The following CTDSPL variants were observed in gnomAD, a reference collection of about 807,000 sequenced individuals.
The protein encoded by CTDSPL is CTD small phosphatase-like protein.
In CTDSPL, 8 loss-of-function variants were observed where a neutral mutation model predicts 30.5. The ratio of observed to expected loss-of-function variants is 0.26; its 90% CI spans 0.15 to 0.47. CTDSPL has a LOEUF of 0.47. Ranked by LOEUF, CTDSPL falls within the 20% of genes least tolerant of loss-of-function variation. The pLI is 0.99. For missense variants in CTDSPL, 248 were observed against 366.1 expected, an observed-to-expected ratio of 0.68 and a Z score of 2.63; for synonymous variants, 110 against 137.9, an observed-to-expected ratio of 0.80 and a Z score of 1.42.
At chr3:37,907,068 C>A (rs1559630174) in intron 1 of CTDSPL, among the ~76,000 whole-genome samples, 1 of 152,214 alleles carries the variant, frequency 6.6e-6, no homozygotes, top group Non-Finnish European at 1.5e-5. Context: ...CTGCCAAAAA[C>A]CCCCACTTCC....
At chr3:37,952,930 T>A (rs1400212171) in intron 2 of CTDSPL, among the ~76,000 whole-genome samples, 1 of 152,260 alleles carries the variant, frequency 6.6e-6, no homozygotes. Flanking sequence ...GAGCCTTTTG[T>A]TCTGTGGCAC....
intron 1 of CTDSPL, among the ~76,000 whole-genome samples, chr3:37,920,431 T>C (rs1265557678): frequency 6.6e-6 from 1 of 152,160 alleles, no homozygotes; most frequent in Non-Finnish European, 1.5e-5. Context: ...GAGGAAACAG[T>C]TCTCCTCCTT....
intron 2 of CTDSPL, among the ~76,000 whole-genome samples, chr3:37,953,252 A>T (rs148207104): frequency 5.0e-4 from 76 of 152,318 alleles, no homozygotes; most frequent in African/African-American, 1.7e-3. Flanking sequence ...TGGACAGTAT[A>T]ACCATCTTAT....
At chr3:37,897,717 G>A (rs750123127) in intron 1 of CTDSPL, among the ~76,000 whole-genome samples, 3 of 152,120 alleles carry the variant, frequency 2.0e-5, no homozygotes, top group Non-Finnish European at 4.4e-5. Context: ...CTGGAAAATT[G>A]TTATTTTCAG....
At chr3:37,875,467 CAA>C (rs748798781) in intron 1 of CTDSPL, among the ~76,000 whole-genome samples, 7 of 152,214 alleles carry the variant, frequency 4.6e-5, no homozygotes, top group Non-Finnish European at 1.0e-4. Flanking sequence ...TCTTACCTTT[CAA>C]AATCAGTATT....
chr3:37,944,871 C>T (rs1371032147), intron 1 of CTDSPL: 5 of 150,498 alleles, frequency 3.3e-5, no homozygotes, highest in African/African-American at 1.2e-4. Context: ...AATTTACTGA[C>T]TCCGTTAGCA....
intron 1 of CTDSPL, among the ~76,000 whole-genome samples, chr3:37,868,992 G>C (rs551802393): frequency 3.5e-4 from 54 of 152,178 alleles, no homozygotes; most frequent in African/African-American, 1.3e-3. Flanking sequence ...ATCAATTTGA[G>C]GAGAACTGAC....
At position 37,981,871 on chromosome 3, in the gene CTDSPL, G is replaced by A. The variant is rs747734370; in HGVS notation, c.*1004G>A. Reference sequence around the variant, plus strand: ...TGGGAATTTTCCTTGCTGCTACCGCGCTGCCACCAAATGGAATTGACCAGC... The same window carrying A: ...TGGGAATTTTCCTTGCTGCTACCGCACTGCCACCAAATGGAATTGACCAGC... On this transcript the variant is annotated 3_prime_UTR_variant, in exon 8 of 8. Transcript: ENST00000273179. The A allele has an allele frequency of 3.7e-5, 17 of 457,094 alleles. No homozygotes were observed. The highest frequency in any genetic ancestry group is 1.2e-4 in the Admixed American group (5 of 42,574). The allele number at this position is 457,094 out of a possible 1,614,324, so 28.3% of individuals were successfully genotyped here.
chr3:37,936,932 T>G (rs1269200592), intron 1 of CTDSPL, among the ~76,000 whole-genome samples: 1 of 151,126 alleles, frequency 6.6e-6, no homozygotes, highest in Non-Finnish European at 1.5e-5. Flanking sequence ...TCTGCTCTTG[T>G]GATGAGAAAG....
At chr3:37,871,107 A>G (rs1047898728) in intron 1 of CTDSPL, among the ~76,000 whole-genome samples, 1 of 152,072 alleles carries the variant, frequency 6.6e-6, no homozygotes, top group African/African-American at 2.4e-5. Flanking sequence ...TGCTCCACTT[A>G]TTCATCTCTC....
At chr3:37,961,528 A>G (rs1363669978) in intron 3 of CTDSPL, among the ~76,000 whole-genome samples, 2 of 152,230 alleles carry the variant, frequency 1.3e-5, no homozygotes, top group Non-Finnish European at 2.9e-5. Flanking sequence ...TAACCGAGCC[A>G]TAAAAATGCT....
At chr3:37,969,769 C>A (rs1451698223) in intron 5 of CTDSPL, among the ~76,000 whole-genome samples, 1 of 152,214 alleles carries the variant, frequency 6.6e-6, no homozygotes, top group Non-Finnish European at 1.5e-5. Context: ...ACATCCTGTT[C>A]CTCCAGCCCC....
intron 1 of CTDSPL, among the ~76,000 whole-genome samples, chr3:37,902,789 G>A (rs1490813972): frequency 4.6e-5 from 7 of 152,072 alleles, no homozygotes; most frequent in African/African-American, 9.7e-5. Flanking sequence ...AGGGGTCACC[G>A]GTCACCCGTT....
rs879608531 is a variant in CTDSPL, at chr3:37,888,839, G to A, written c.79+26561G>A. Among the ~76,000 whole-genome samples the A allele has an allele frequency of 3.1e-4, 47 of 152,188 alleles. 1 individual carries two copies. The highest frequency in any genetic ancestry group is 2.9e-3 in the Admixed American group (45 of 15,284). On this transcript the variant is annotated intron_variant, in intron 1 of 7. Transcript: ENST00000273179. ...TGGGGGCCTTTAGATCCAGGGGTAA[G>A]GAGAGTGCTAAAGGGCACTGCCACC...
At chr3:37,980,684 G>A in intron 7 of CTDSPL, 58 bp from the exon 8 acceptor site, 1 of 1,590,736 alleles carries the variant, frequency 6.3e-7, no homozygotes, top group Non-Finnish European at 8.6e-7. Context: ...GGTTAGGTTA[G>A]GAGCAGCCCC....
intron 2 of CTDSPL, chr3:37,954,544 T>G (rs997090209): frequency 1.3e-5 from 2 of 152,394 alleles, no homozygotes; most frequent in African/African-American, 4.8e-5. Context: ...TGCTGAGTCC[T>G]TAAGTATCTA....
intron 1 of CTDSPL, among the ~76,000 whole-genome samples, chr3:37,875,353 A>T (rs918019466): frequency 1.9e-4 from 29 of 152,256 alleles, no homozygotes; most frequent in East Asian, 7.7e-4. Flanking sequence ...CTTTGTAATT[A>T]TAATTTATAT....
At chr3:37,931,884 A>G (rs887744824) in intron 1 of CTDSPL, among the ~76,000 whole-genome samples, 3 of 152,140 alleles carry the variant, frequency 2.0e-5, no homozygotes, top group African/African-American at 7.2e-5. Context: ...GTGTTCCACA[A>G]GTTGATAGAA....
intron 1 of CTDSPL, among the ~76,000 whole-genome samples, chr3:37,934,633 A>G (rs1017315248): frequency 2.0e-5 from 3 of 152,170 alleles, no homozygotes; most frequent in African/African-American, 7.2e-5. Context: ...AGTAGCAGGG[A>G]GCTGTGAATT....
Sources: gnomAD v4.1 joint callset for allele counts (sites outside exome capture counted in the v4.1 genomes callset) on GRCh38, gnomAD v4.1.1 for gene constraint, MANE v1.5 for transcripts, NCBI Gene and HGNC (gene_info 2026-07-23, HGNC 2026-07-21) for gene names.